EVC: variants seen among roughly 807,000 people sequenced by gnomAD.
The protein encoded by EVC is EvC ciliary complex subunit 1, also known as evC complex member EVC.
EVC carries 116 observed loss-of-function variants against 118.9 expected under a neutral mutation model. That is an observed-to-expected ratio of 0.98 (90% confidence interval 0.84 to 1.14). The LOEUF (loss-of-function observed/expected upper bound fraction) is 1.14. Ranked by LOEUF, EVC falls within the 50% of genes most tolerant of loss-of-function variation. EVC has a pLI of 0.00. For missense variants in EVC, 1,401 were observed against 1,246.4 expected, an observed-to-expected ratio of 1.12 and a Z score of -1.87; for synonymous variants, 619 against 534.7, an observed-to-expected ratio of 1.16 and a Z score of -2.18.
At chr4:5,790,112 C>T (rs1439109121) in intron 12 of EVC, among the ~76,000 whole-genome samples, 4 of 144,892 alleles carry the variant, frequency 2.8e-5, no homozygotes, top group Non-Finnish European at 3.0e-5. Flanking sequence ...ACTCGGGAAG[C>T]GGAGGTTGCA....
the EVC span, chr4:5,824,346 T>A: frequency 1.0e-6 from 1 of 985,402 alleles, no homozygotes; most frequent in Non-Finnish European, 1.2e-6. Flanking sequence ...TGGAAGCTCT[T>A]CCATCAAAGT....
At chr4:5,777,901 G>A (rs375452918) in intron 11 of EVC, among the ~76,000 whole-genome samples, 144 of 152,056 alleles carry the variant, frequency 9.5e-4, no homozygotes, top group Non-Finnish European at 8.2e-4. Flanking sequence ...GGTTAGTTAC[G>A]TATGGATACA....
rs1716343004 is a variant in EVC, at chr4:5,808,338, C to T, written c.2688+11C>T. On this transcript the variant is annotated intron_variant, in intron 18 of 20. Transcript: ENST00000264956. The stretch of plus-strand genomic sequence containing the variant: ...GAGACCCAGCTACAGGTACAAGTTA[C>T]AGAACTGGACCTTCCAAAAGCAGTG... 1.9e-6 allele frequency: 3 copies of T among 1,614,176 alleles called. No homozygotes were observed. The highest frequency in any genetic ancestry group is 2.5e-6 in the Non-Finnish European group (3 of 1,180,040).
At chr4:5,763,581 C>T (rs1012919143) in intron 11 of EVC, among the ~76,000 whole-genome samples, 1 of 130,370 alleles carries the variant, frequency 7.7e-6, no homozygotes. Context: ...TTTCATTGAG[C>T]AGTGGTTTGT....
At chr4:5,795,202 T>C (rs1032592041) in intron 13 of EVC, among the ~76,000 whole-genome samples, 1 of 152,246 alleles carries the variant, frequency 6.6e-6, no homozygotes, top group African/African-American at 2.4e-5. Flanking sequence ...TATAAGTACA[T>C]GTGTCTTTTT....
rs551925471 is a variant in EVC, at chr4:5,810,593, C to T, written c.2894+143C>T. On this transcript the variant is annotated intron_variant, in intron 20 of 20. Transcript: ENST00000264956. ...AGGTTCAAGAAATGACAGATATGAACGTAATTTGTGGGCAGTAAGCCATGA... is the reference window on the plus strand; with the variant it reads ...AGGTTCAAGAAATGACAGATATGAATGTAATTTGTGGGCAGTAAGCCATGA... 7.1e-5 allele frequency: 52 copies of T among 732,568 alleles called. 1 individual carries two copies. The highest frequency in any genetic ancestry group is 2.5e-4 in the African/African-American group (14 of 57,002). 45.4% of individuals were successfully genotyped at this position (732,568 alleles called of 1,614,324 possible). A position where few individuals can be genotyped will look rare whatever the true frequency, so the allele number is the denominator to read the frequency against.
rs946953117 is a variant in EVC at position 5,743,286 on chromosome 4, G to C, written c.801+1472G>C. Among the ~76,000 whole-genome samples, 2 of 152,128 alleles carry C rather than the reference G, an allele frequency of 1.3e-5. No homozygotes were observed. Among genetic ancestry groups the C allele is most frequent in the African/African-American group, 4.8e-5 (2 of 41,430 alleles). ...ATTTTGATCAGCAGGGTTGTGATCA[G>C]AAAACAAGTCCTGCCAGTCTCCTAC... On this transcript the variant is annotated intron_variant, in intron 6 of 20. Coordinates refer to ENST00000264956, the MANE Select transcript of EVC (RefSeq NM_153717.3). This position sits in a 1 kb window ranked among gnomAD's most constrained non-coding sequence, Gnocchi z 4.7.
intron 3 of EVC, 48 bp downstream of exon 3, chr4:5,729,438 T>G: frequency 6.5e-7 from 1 of 1,545,764 alleles, no homozygotes; most frequent in Non-Finnish European, 8.9e-7. Context: ...TTCCGTCATG[T>G]GCCAGAGATT....
rs1730971779 is a variant in EVC at position 5,755,190 on chromosome 4, T to C, written c.1465-1074T>C. 6.6e-6 allele frequency among the ~76,000 whole-genome samples: 1 copy of C among 152,168 alleles called. No homozygotes were observed. Among genetic ancestry groups the C allele is most frequent in the South Asian group, 2.1e-4 (1 of 4,816 alleles). On this transcript the variant is annotated intron_variant, in intron 10 of 20. Coordinates refer to ENST00000264956, the MANE Select transcript of EVC (RefSeq NM_153717.3). This position sits in a 1 kb window ranked among gnomAD's most constrained non-coding sequence, Gnocchi z 4.1. ...TGAAATAAGAGGAAGATAAGGCTAT[T>C]CAGCTCCTCGTTATTTGGATATTTC...
At chr4:5,780,655 C>T (rs1020386070) in intron 11 of EVC, among the ~76,000 whole-genome samples, 1 of 152,136 alleles carries the variant, frequency 6.6e-6, no homozygotes, top group East Asian at 1.9e-4. Flanking sequence ...GTGGTCTTGT[C>T]CATGAGAAGG....
At chr4:5,712,978 G>A (rs1360014828) in intron 1 of EVC, among the ~76,000 whole-genome samples, 2 of 152,214 alleles carry the variant, frequency 1.3e-5, no homozygotes, top group Non-Finnish European at 2.9e-5. Context: ...TTTGTCCAGG[G>A]TGCCACGATG....
At chr4:5,817,130 GA>G (rs1039567477), downstream of EVC, among the ~76,000 whole-genome samples, 1 of 152,232 alleles carries the variant, frequency 6.6e-6, no homozygotes, top group African/African-American at 2.4e-5. Context: ...GGCTACAAGT[GA>G]ACGTTGGGAT....
At chr4:5,777,040 G>C (rs1264799271) in intron 11 of EVC, among the ~76,000 whole-genome samples, 1 of 152,080 alleles carries the variant, frequency 6.6e-6, no homozygotes, top group Non-Finnish European at 1.5e-5. Flanking sequence ...CCCATTGTTT[G>C]TGTAGGTCTT....
Position 5,737,298 on chromosome 4 carries a change from G to A in EVC, c.702+3863G>A, listed in dbSNP as rs556466631. ...GGTTTAAAGAAAGAAGCTGTCTCCA[G>A]AACAAACAAAAGTGCAAGGTGAAGC... On this transcript the variant is annotated intron_variant, in intron 5 of 20. Coordinates refer to ENST00000264956, the MANE Select transcript of EVC (RefSeq NM_153717.3). This position sits in a 1 kb window ranked among gnomAD's most constrained non-coding sequence, Gnocchi z 5.0. Among the ~76,000 whole-genome samples, 4 of 152,342 alleles carry A rather than the reference G, an allele frequency of 2.6e-5. No homozygotes were observed. The highest frequency in any genetic ancestry group is 9.6e-5 in the African/African-American group (4 of 41,578).
intron 11 of EVC, among the ~76,000 whole-genome samples, chr4:5,779,029 G>A (rs890701406): frequency 9.5e-4 from 144 of 152,268 alleles, no homozygotes; most frequent in African/African-American, 3.4e-3. Flanking sequence ...AAGGTGTAAG[G>A]AAGGGATCCA....
At chr4:5,794,240 T>G in intron 13 of EVC, among the ~76,000 whole-genome samples, 1 of 73,432 alleles carries the variant, frequency 1.4e-5, no homozygotes, top group East Asian at 2.9e-4. Context: ...TATATATATT[T>G]ATATATATAT....
At chr4:5,760,270 A>G (rs975184334) in intron 11 of EVC, among the ~76,000 whole-genome samples, 1 of 152,096 alleles carries the variant, frequency 6.6e-6, no homozygotes, top group Admixed American at 6.5e-5. Context: ...ATCAGTTTCA[A>G]TAAAGAGTTG....
chr4:5,716,618 T>G (rs1228260569), intron 1 of EVC, among the ~76,000 whole-genome samples: 1 of 152,104 alleles, frequency 6.6e-6, no homozygotes, highest in Non-Finnish European at 1.5e-5. Context: ...CAGGGACATA[T>G]GTTAAGATGT....
chr4:5,712,685 A>C (rs542648718), intron 1 of EVC, among the ~76,000 whole-genome samples: 4 of 152,284 alleles, frequency 2.6e-5, no homozygotes, highest in African/African-American at 9.6e-5. Flanking sequence ...TTGGTGACTC[A>C]TGGGGAGCAT....
Sources: allele counts gnomAD v4.1 joint callset (sites outside exome capture counted in the v4.1 genomes callset), GRCh38; gene constraint gnomAD v4.1.1; non-coding constraint Gnocchi (gnomAD v3.1); transcripts MANE v1.5; gene names NCBI Gene and HGNC (gene_info 2026-07-23, HGNC 2026-07-21).